DAAM1: variants seen among roughly 807,000 people sequenced by gnomAD.
The protein encoded by DAAM1 is dishevelled associated activator of morphogenesis 1.
DAAM1 carries 52 observed loss-of-function variants against 130.0 expected under a neutral mutation model. The ratio of observed to expected loss-of-function variants is 0.40; its 90% CI spans 0.32 to 0.50. The LOEUF (loss-of-function observed/expected upper bound fraction) is 0.50. Ranked by LOEUF, DAAM1 falls within the 20% of genes least tolerant of loss-of-function variation. DAAM1 has a pLI of 0.61. For missense variants in DAAM1, 1,134 were observed against 1,303.8 expected (o/e 0.87, Z 2.01); for synonymous variants, 452 against 444.5 (o/e 1.02, Z -0.21).
intron 16 of DAAM1, 102 bp from the exon 17 acceptor site, chr14:59,347,437 G>GA: frequency 3.5e-6 from 4 of 1,134,676 alleles, no homozygotes; most frequent in Non-Finnish European, 5.1e-6. Flanking sequence ...GAGATTTTGA[G>GA]AAAAAAGTAC....
chr14:59,271,687 T>C (rs1315964598), intron 2 of DAAM1, among the ~76,000 whole-genome samples: 1 of 152,230 alleles, frequency 6.6e-6, no homozygotes, highest in Non-Finnish European at 1.5e-5. Context: ...TTTGTTCTTC[T>C]ACCAGCCTTG....
Position 59,320,601 on chromosome 14 carries a change from T to C in DAAM1, c.440+17T>C. On this transcript the variant is annotated intron_variant, in intron 5 of 24. Transcript: ENST00000360909. ...ACCAATGAGGTAATTTTCCCCTGGA[T>C]GGCATGTTTTTTTTTTTTCTCTCCT... 1 of 1,521,482 alleles carries C rather than the reference T, an allele frequency of 6.6e-7. No homozygotes were observed. Among genetic ancestry groups the C allele is most frequent in the Admixed American group, 2.4e-5 (1 of 41,840 alleles). The allele number at this position is 1,521,482 out of a possible 1,614,324, so 94.2% of individuals were successfully genotyped here.
intron 2 of DAAM1, among the ~76,000 whole-genome samples, chr14:59,283,696 G>C (rs1883318430): frequency 6.6e-6 from 1 of 152,158 alleles, no homozygotes; most frequent in African/African-American, 2.4e-5. Flanking sequence ...CTGGAGATGA[G>C]GATATAGAGG....
intron 1 of DAAM1, among the ~76,000 whole-genome samples, chr14:59,203,054 C>T (rs1489859860): frequency 2.7e-5 from 4 of 149,358 alleles, no homozygotes; most frequent in African/African-American, 7.4e-5. Context: ...TGCAGTGATT[C>T]GATCTCCACT....
chr14:59,308,830 C>T (rs1251447175), intron 3 of DAAM1, among the ~76,000 whole-genome samples: 2 of 152,160 alleles, frequency 1.3e-5, no homozygotes, highest in African/African-American at 4.8e-5. Flanking sequence ...AAATGACTGA[C>T]ATTCTGAGGC....
rs750719199 is a variant in DAAM1 at position 59,367,462 on chromosome 14, G to A, written c.2860G>A (p.Ala954Thr). 43 of 1,613,090 alleles carry A rather than the reference G, an allele frequency of 2.7e-5. No individual in the cohort carries two copies. The highest frequency in any genetic ancestry group is 1.9e-4 in the South Asian group (17 of 90,970). Residue 954 changes from alanine (A) to threonine (T), a missense_variant, in exon 24 of 25, where the codon GCT becomes ACT. Coordinates refer to ENST00000360909, the MANE Select transcript of DAAM1 (RefSeq NM_001270520.2). Reference sequence around the variant, plus strand: ...AGCAGTGAAGCACTTTGGGGAAGAGGCTGGCAAAATACAACCAGATGAGTT... The same window carrying A: ...AGCAGTGAAGCACTTTGGGGAAGAGACTGGCAAAATACAACCAGATGAGTT... ...TKAVKHFGEE[A>T]GKIQPDEFFG...
chr14:59,233,083 G>T (rs1410429153), intron 1 of DAAM1, among the ~76,000 whole-genome samples: 1 of 152,078 alleles, frequency 6.6e-6, no homozygotes, highest in Non-Finnish European at 1.5e-5. Context: ...ATTGTAAATG[G>T]TGCTGCAATA....
intron 2 of DAAM1, among the ~76,000 whole-genome samples, chr14:59,286,440 A>G (rs1458654297): frequency 2.0e-5 from 3 of 152,166 alleles, no homozygotes; most frequent in Non-Finnish European, 4.4e-5. Context: ...AGCTAAACTG[A>G]ATGAAATTGA....
In DAAM1 at chr14:59,340,114, T is replaced by C. The variant is rs1235324130; in HGVS notation, c.2009T>C (p.Leu670Pro). The C allele has an allele frequency of 2.5e-6, 4 of 1,612,630 alleles. No individual in the cohort carries two copies. Among genetic ancestry groups the C allele is most frequent in the African/African-American group, 1.3e-5 (1 of 74,888 alleles). Residue 670 changes from leucine to proline, a missense_variant, in exon 16 of 25, where the codon CTT becomes CCT. Transcript: ENST00000360909. ...ATTGATGACACTCTGAGTTCCAAAC[T>C]TAAAGTTAAAGAGCTTTCGGTGATT... is the stretch of plus-strand genomic sequence containing the variant. ...DAIDDTLSSK[L>P]KVKELSVIDG...
At chr14:59,209,820 GGAA>G (rs2139408723) in intron 1 of DAAM1, among the ~76,000 whole-genome samples, 1 of 152,208 alleles carries the variant, frequency 6.6e-6, no homozygotes, top group South Asian at 2.1e-4. Context: ...TCATCCTCAA[GGAA>G]GATTTTGCAG....
chr14:59,304,352 TGTAGA>T (rs1053781084), intron 3 of DAAM1, among the ~76,000 whole-genome samples: 80 of 152,342 alleles, frequency 5.3e-4, no homozygotes, highest in African/African-American at 1.8e-3. Context: ...TTCTCCTCTT[TGTAGA>T]GTAGAGAGAA....
In DAAM1 at chr14:59,235,014, G is replaced by A. The variant is rs1365145565; in HGVS notation, c.-37-28427G>A. Among the ~76,000 whole-genome samples the A allele has an allele frequency of 4.6e-5, 7 of 152,242 alleles. 1 individual carries two copies. In the South Asian group the frequency reaches 1.5e-3, roughly 32 times the overall value. On this transcript the variant is annotated intron_variant, in intron 1 of 24. Coordinates refer to ENST00000360909, the MANE Select transcript of DAAM1 (RefSeq NM_001270520.2). ...AAGTCGACTTGATCACGGTGGATAA[G>A]CTTTTTGATGTGCTGCTGGATTTGG... is the stretch of plus-strand genomic sequence containing the variant.
At chr14:59,363,628 A>G (rs1271803874) in intron 22 of DAAM1, 23 bp from the exon 23 acceptor site, 5 of 1,613,786 alleles carry the variant, frequency 3.1e-6, no homozygotes, top group South Asian at 2.2e-5. Flanking sequence ...CTGCATTGAC[A>G]TTATTCATTT....
intron 1 of DAAM1, among the ~76,000 whole-genome samples, chr14:59,260,979 GAC>G (rs1276698337): frequency 6.6e-6 from 1 of 152,150 alleles, no homozygotes; most frequent in African/African-American, 2.4e-5. Flanking sequence ...AAGTAGGAAA[GAC>G]AGAAAAGTTG....
intron 1 of DAAM1, among the ~76,000 whole-genome samples, chr14:59,200,214 A>G (rs2139391775): frequency 6.6e-6 from 1 of 152,274 alleles, no homozygotes; most frequent in East Asian, 1.9e-4. Flanking sequence ...GGGTCAGGGT[A>G]AGCCCAGCAG....
intron 2 of DAAM1, among the ~76,000 whole-genome samples, chr14:59,288,930 T>C (rs1883591751): frequency 6.6e-6 from 1 of 152,066 alleles, no homozygotes; most frequent in Non-Finnish European, 1.5e-5. Flanking sequence ...GTTGTTTTTG[T>C]TTTTGAGATG....
intron 2 of DAAM1, 108 bp downstream of exon 2, chr14:59,263,768 A>T (rs979951052): frequency 1.0e-5 from 14 of 1,380,984 alleles, no homozygotes; most frequent in Non-Finnish European, 1.4e-5. Context: ...CTTTTCAGTG[A>T]AATGGCCCCC....
chr14:59,354,107 C>T (rs1364078029), intron 19 of DAAM1, 143 bp downstream of exon 19: 5 of 762,838 alleles, frequency 6.6e-6, no homozygotes, highest in Non-Finnish European at 1.0e-5. Context: ...GTTGCCCAGG[C>T]TGGAGTGCAG....
chr14:59,349,266 A>C (rs1358187202), intron 17 of DAAM1, among the ~76,000 whole-genome samples: 4 of 152,250 alleles, frequency 2.6e-5, no homozygotes, highest in Non-Finnish European at 5.9e-5. Flanking sequence ...TGTATGTTTT[A>C]AAATTCCACA....
Sources: allele counts gnomAD v4.1 joint callset (sites outside exome capture counted in the v4.1 genomes callset), GRCh38; gene constraint gnomAD v4.1.1; transcripts MANE v1.5; gene names NCBI Gene and HGNC (gene_info 2026-07-23, HGNC 2026-07-21).